The following SPATS2 variants were observed in gnomAD, a reference collection of about 807,000 sequenced individuals.
The protein encoded by SPATS2 is spermatogenesis-associated serine-rich protein 2.
A neutral mutation model predicts 63.7 loss-of-function variants in SPATS2; 38 were observed. The ratio of observed to expected loss-of-function variants is 0.60; its 90% CI spans 0.46 to 0.78. The LOEUF (loss-of-function observed/expected upper bound fraction) is 0.78, where lower values mean the gene tolerates loss of function less well. SPATS2 is among the 30% of genes least tolerant of loss of function. The pLI is 0.00. For missense variants in SPATS2, 588 were observed against 666.2 expected, an observed-to-expected ratio of 0.88 and a Z score of 1.29; for synonymous variants, 207 against 232.9, an observed-to-expected ratio of 0.89 and a Z score of 1.01.
intron 10 of SPATS2, among the ~76,000 whole-genome samples, chr12:49,518,300 G>C (rs1199742797): frequency 6.6e-6 from 1 of 152,140 alleles, no homozygotes; most frequent in African/African-American, 2.4e-5. Flanking sequence ...CTTTGGTTTT[G>C]TTTCCACTGT....
intron 3 of SPATS2, chr12:49,469,542 TAAAAA>T (rs748722366): frequency 2.0e-3 from 641 of 318,662 alleles, no homozygotes; most frequent in Middle Eastern, 4.4e-3. Flanking sequence ...GCTGGGTCTC[TAAAAA>T]AAAAAAAAAA....
chr12:49,371,186 A>G (rs1452319777), intron 1 of SPATS2, 42 bp from the exon 2 acceptor site: 1 of 152,156 alleles, frequency 6.6e-6, no homozygotes, highest in Non-Finnish European at 1.5e-5. Flanking sequence ...GAAGCTCTAT[A>G]TCTATTAAAC....
chr12:49,429,745 T>TGTGCCTG (rs1399576879), intron 2 of SPATS2, among the ~76,000 whole-genome samples: 1 of 137,802 alleles, frequency 7.3e-6, no homozygotes, highest in Non-Finnish European at 1.6e-5. Context: ...CATGAGCCAC[T>TGTGCCTG]GTGCCTGGCC....
At chr12:49,462,375 G>A (rs749108219) in intron 3 of SPATS2, 26 of 702,298 alleles carry the variant, frequency 3.7e-5, no homozygotes, top group South Asian at 2.2e-4. Context: ...TGTGGGCCCC[G>A]TGGCAGCATC....
Position 49,484,574 on chromosome 12 carries a change from T to C in SPATS2, c.26-16T>C, listed in dbSNP as rs754611324. 1.2e-6 allele frequency: 2 copies of C among 1,611,732 alleles called. No individual in the cohort carries two copies. The highest frequency in any genetic ancestry group is 2.2e-5 in the South Asian group (2 of 90,882). On this transcript the variant is annotated splice_polypyrimidine_tract_variant and intron_variant, in intron 3 of 13. Coordinates refer to ENST00000552918, the MANE Select transcript of SPATS2 (RefSeq NM_023071.4). ...ATTTGGATCATGTTGAATATATTTT[T>C]CCCTTATTCTTTCAGATTCATCAGG...
At chr12:49,387,511 C>T (rs1182221839) in intron 2 of SPATS2, among the ~76,000 whole-genome samples, 3 of 151,848 alleles carry the variant, frequency 2.0e-5, no homozygotes, top group Non-Finnish European at 4.4e-5. Context: ...GTGATGCACT[C>T]CTGTAATCCC....
At chr12:49,420,070 T>C (rs1937660809) in intron 2 of SPATS2, among the ~76,000 whole-genome samples, 1 of 152,188 alleles carries the variant, frequency 6.6e-6, no homozygotes, top group Admixed American at 6.5e-5. Context: ...ATGACCAACT[T>C]CAACAATGGC....
intron 2 of SPATS2, among the ~76,000 whole-genome samples, chr12:49,377,372 T>C (rs890495380): frequency 7.2e-5 from 11 of 152,224 alleles, no homozygotes; most frequent in African/African-American, 2.7e-4. Context: ...GTTCGGTCTC[T>C]AGCCTGATGA....
At chr12:49,502,760 TTC>T (rs1184194572) in intron 9 of SPATS2, among the ~76,000 whole-genome samples, 1 of 152,196 alleles carries the variant, frequency 6.6e-6, no homozygotes, top group Non-Finnish European at 1.5e-5. Flanking sequence ...CCTGGCTGTC[TTC>T]TGTTTTTCTT....
chr12:49,384,829 G>C (rs1944283149), intron 2 of SPATS2, among the ~76,000 whole-genome samples: 1 of 146,342 alleles, frequency 6.8e-6, no homozygotes. Context: ...TTTTTTTTAA[G>C]ACGGCATTTC....
chr12:49,433,266 G>A (rs550230483), intron 2 of SPATS2, among the ~76,000 whole-genome samples: 67 of 152,220 alleles, frequency 4.4e-4, no homozygotes, highest in African/African-American at 1.4e-3. Flanking sequence ...AGGTTCAAGC[G>A]ATTCTCCTGC....
intron 2 of SPATS2, among the ~76,000 whole-genome samples, chr12:49,385,350 G>A (rs1042621139): frequency 1.6e-5 from 2 of 125,566 alleles, no homozygotes; most frequent in Non-Finnish European, 3.3e-5. Flanking sequence ...GAGCATGTAA[G>A]TATATAAGTG....
intron 8 of SPATS2, among the ~76,000 whole-genome samples, chr12:49,498,229 G>A (rs1436841230): frequency 5.4e-5 from 8 of 149,124 alleles, no homozygotes; most frequent in Admixed American, 5.3e-4. Context: ...GTTGAGATGA[G>A]GAAGAATTTA....
chr12:49,439,904 T>G (rs1275654660), intron 2 of SPATS2, among the ~76,000 whole-genome samples: 1 of 152,196 alleles, frequency 6.6e-6, no homozygotes, highest in Non-Finnish European at 1.5e-5. Flanking sequence ...AAAGAGGAGT[T>G]TCCACTTATG....
intron 2 of SPATS2, among the ~76,000 whole-genome samples, chr12:49,415,664 A>G (rs1944877117): frequency 6.6e-6 from 1 of 152,174 alleles, no homozygotes; most frequent in Non-Finnish European, 1.5e-5. Context: ...AAAATTCTTC[A>G]GCTTCCGGTA....
chr12:49,505,762 G>A lies in SPATS2; in HGVS notation c.839+5557G>A, dbSNP rs570967369. The stretch of plus-strand genomic sequence containing the variant: ...AAAATAAATGTATGTCTTAGGTTAA[G>A]CAATTTGCCTAAGTTGCAGATCCAA... On this transcript the variant is annotated intron_variant, in intron 9 of 13. Coordinates refer to ENST00000552918, the MANE Select transcript of SPATS2 (RefSeq NM_023071.4). Among the ~76,000 whole-genome samples, 125 of 152,238 alleles carry A rather than the reference G, an allele frequency of 8.2e-4. 2 individuals are homozygous for A. The South Asian group carries it at 0.016, about 19-fold the overall frequency.
chr12:49,466,581 C>T (rs533613838), intron 3 of SPATS2, among the ~76,000 whole-genome samples: 2 of 152,166 alleles, frequency 1.3e-5, no homozygotes, highest in Non-Finnish European at 2.9e-5. Flanking sequence ...TTGAATTGCC[C>T]TGACACCTTT....
intron 2 of SPATS2, among the ~76,000 whole-genome samples, chr12:49,445,626 T>C (rs1223944853): frequency 6.6e-6 from 1 of 152,174 alleles, no homozygotes; most frequent in Non-Finnish European, 1.5e-5. Context: ...CAAGTGATCC[T>C]ACTCCCTCAG....
chr12:49,444,297 A>C (rs1340882884), intron 2 of SPATS2, among the ~76,000 whole-genome samples: 2 of 151,582 alleles, frequency 1.3e-5, no homozygotes, highest in Non-Finnish European at 2.9e-5. Flanking sequence ...CTGCAGCCTC[A>C]AACTCCTGGG....
Sources: allele counts gnomAD v4.1 joint callset (sites outside exome capture counted in the v4.1 genomes callset), GRCh38; gene constraint gnomAD v4.1.1; transcripts MANE v1.5; gene names NCBI Gene and HGNC (gene_info 2026-07-23, HGNC 2026-07-21).